MCF2: variants seen among roughly 807,000 people sequenced by gnomAD.
The protein encoded by MCF2 is MCF.2 cell line derived transforming sequence, also known as proto-oncogene DBL.
A neutral mutation model predicts 82.5 loss-of-function variants in MCF2; 44 were observed. The observed-to-expected ratio is 0.53, with a 90% CI of 0.42 to 0.69. The LOEUF (loss-of-function observed/expected upper bound fraction) is 0.69. Among genes scored for constraint, MCF2 ranks in the 30% least tolerant of loss-of-function variants. The pLI is 0.00. For synonymous variants in MCF2, 217 were observed against 224.9 expected, an observed-to-expected ratio of 0.96 and a Z score of 0.32; for missense variants, 623 against 663.1, an observed-to-expected ratio of 0.94 and a Z score of 0.66.
chrX:139,610,018 G>A (rs918774878), intron 11 of MCF2, among the ~76,000 whole-genome samples: 7 of 112,270 alleles, frequency 6.2e-5, no homozygotes, highest in African/African-American at 2.3e-4. Context: ...TTGAAGTGAT[G>A]GTGGGTGGTG....
In MCF2 at chrX:139,591,954, A is replaced by AC. The variant is rs967107699; in HGVS notation, c.2278-2028dup. Among the ~76,000 whole-genome samples, 3 of 111,162 alleles carry AC rather than the reference A, an allele frequency of 2.7e-5. 1 individual carries two copies. The highest frequency in any genetic ancestry group is 8.4e-3 in the Middle Eastern group (2 of 237). On this transcript the variant is annotated intron_variant, in intron 19 of 24. Coordinates refer to ENST00000370576, the Ensembl canonical transcript of MCF2. Reference sequence around the variant, plus strand: ...TGGAATATCTGCAATGATCCTCTCTACCAAGGGTAAGACTGTGAAACTAAT... The same window carrying AC: ...TGGAATATCTGCAATGATCCTCTCTACCCAAGGGTAAGACTGTGAAACTAAT...
intron 1 of MCF2, among the ~76,000 whole-genome samples, chrX:139,657,022 A>C (rs868749338): frequency 1.1e-4 from 12 of 111,855 alleles, no homozygotes; most frequent in Middle Eastern, 9.1e-3. Flanking sequence ...TGCTAAGCCC[A>C]AAAAGGAGCT....
intron 1 of MCF2, among the ~76,000 whole-genome samples, chrX:139,655,791 G>A (rs1348175743): frequency 1.8e-5 from 2 of 111,252 alleles, no homozygotes; most frequent in African/African-American, 3.3e-5. Flanking sequence ...CCGGGTACAA[G>A]ATCATGTCAT....
intron 1 of MCF2, among the ~76,000 whole-genome samples, chrX:139,660,284 T>G (rs144387593): frequency 0.042 from 4,667 of 112,109 alleles, 254 homozygotes; most frequent in African/African-American, 0.14. Flanking sequence ...ACCTCCCATT[T>G]TCTTCCAGGA....
intron 4 of MCF2, among the ~76,000 whole-genome samples, chrX:139,628,507 T>C (rs1190049110): frequency 9.0e-6 from 1 of 111,346 alleles, no homozygotes; most frequent in Non-Finnish European, 1.9e-5. Context: ...GTTGAAAAAC[T>C]ACCTATCTGG....
At chrX:139,612,522 T>A (rs1287303147) in intron 10 of MCF2, among the ~76,000 whole-genome samples, 1 of 109,460 alleles carries the variant, frequency 9.1e-6, no homozygotes, top group African/African-American at 3.3e-5. Context: ...AGGTGCAGAA[T>A]TATATTTAAT....
At chrX:139,702,923 T>C (rs946566160) in intron 1 of MCF2, among the ~76,000 whole-genome samples, 1 of 112,276 alleles carries the variant, frequency 8.9e-6, no homozygotes, top group African/African-American at 3.2e-5. Flanking sequence ...GTCAGCCTTA[T>C]TCAGGGATTG....
chrX:139,583,653 G>A (rs1014016248), intron 24 of MCF2, among the ~76,000 whole-genome samples: 1 of 111,422 alleles, frequency 9.0e-6, no homozygotes, highest in Non-Finnish European at 1.9e-5. Flanking sequence ...TGGGTACTAT[G>A]CTCACTACCT....
intron 1 of MCF2, among the ~76,000 whole-genome samples, chrX:139,696,145 AG>A (rs1935373862): frequency 1.8e-5 from 2 of 111,286 alleles, no homozygotes; most frequent in East Asian, 5.7e-4. Flanking sequence ...AGGATAAACC[AG>A]CCTTATACCA....
chrX:139,626,583 T>C, intron 5 of MCF2, 40 bp downstream of exon 8: 3 of 1,150,010 alleles, frequency 2.6e-6, no homozygotes, highest in Non-Finnish European at 2.4e-6. Context: ...CTTTCAAAAA[T>C]ATAAAATAAG....
At chrX:139,632,928 T>C (rs1037531932) in intron 1 of MCF2, among the ~76,000 whole-genome samples, 15 of 112,033 alleles carry the variant, frequency 1.3e-4, no homozygotes, top group Admixed American at 4.7e-4. Flanking sequence ...ACATCTTCTA[T>C]GTGTCTACTT....
intron 3 of MCF2, 67 bp downstream of exon 6, chrX:139,631,328 C>A: frequency 1.6e-6 from 1 of 617,614 alleles, no homozygotes; most frequent in South Asian, 4.3e-5. Context: ...GGAAAGAATT[C>A]TAGAACTAGA....
At chrX:139,617,390 A>G (rs1569360204) in intron 8 of MCF2, 123 bp downstream of exon 11, 1 of 453,951 alleles carries the variant, frequency 2.2e-6, no homozygotes, top group African/African-American at 2.5e-5. Context: ...GTCCCTGACC[A>G]TATAACCTCT....
intron 15 of MCF2, 42 bp downstream of exon 19, chrX:139,604,639 G>A: frequency 1.2e-6 from 1 of 850,949 alleles, no homozygotes; most frequent in African/African-American, 2.1e-5. Flanking sequence ...TGCTATTTTG[G>A]TGGTGCATAT....
intron 2 of MCF2, 77 bp downstream of exon 5, chrX:139,632,258 C>G: frequency 1.3e-6 from 1 of 792,751 alleles, no homozygotes; most frequent in Non-Finnish European, 1.7e-6. Flanking sequence ...CACATGGGCA[C>G]ATGTAAAATA....
intron 1 of MCF2, among the ~76,000 whole-genome samples, chrX:139,655,396 T>C (rs1409331973): frequency 8.9e-6 from 1 of 112,012 alleles, no homozygotes; most frequent in Non-Finnish European, 1.9e-5. Flanking sequence ...GTAAATGTGA[T>C]CAGATTGCTT....
At chrX:139,660,692 G>T (rs780693905) in intron 1 of MCF2, among the ~76,000 whole-genome samples, 5 of 112,436 alleles carry the variant, frequency 4.4e-5, no homozygotes, top group Non-Finnish European at 9.4e-5. Context: ...AACAATCTAT[G>T]CAGTGCTTTG....
At chrX:139,694,420 C>G (rs1204131548) in intron 1 of MCF2, among the ~76,000 whole-genome samples, 1 of 80,708 alleles carries the variant, frequency 1.2e-5, no homozygotes, top group Non-Finnish European at 2.5e-5. Context: ...AAAAAAAAAA[C>G]AAAGAGGACT....
chrX:139,639,826 T>C (rs1298544485), intron 1 of MCF2, among the ~76,000 whole-genome samples: 1 of 112,198 alleles, frequency 8.9e-6, no homozygotes, highest in African/African-American at 3.2e-5. Context: ...GGTTACTTAC[T>C]ATAAAAATAA....
Sources: gnomAD v4.1 joint callset for allele counts (sites outside exome capture counted in the v4.1 genomes callset) on GRCh38, gnomAD v4.1.1 for gene constraint, MANE v1.5 for transcripts, NCBI Gene and HGNC (gene_info 2026-07-23, HGNC 2026-07-21) for gene names.